The following CSMD1 variants were observed in gnomAD, a reference collection of about 807,000 sequenced individuals.
CSMD1 encodes CUB and sushi domain-containing protein 1.
A neutral mutation model predicts 417.5 loss-of-function variants in CSMD1; 213 were observed. That is an observed-to-expected ratio of 0.51 (90% CI 0.46 to 0.57). The LOEUF (loss-of-function observed/expected upper bound fraction) is 0.57. Among genes scored for constraint, CSMD1 ranks in the 20% least tolerant of loss-of-function variants. CSMD1 has a pLI of 0.00. For missense variants in CSMD1, 6,923 were observed against 4,529.7 expected (o/e 1.53, Z -15.17); for synonymous variants, 2,862 against 1,736.8 (o/e 1.65, Z -16.11).
intron 47 of CSMD1, among the ~76,000 whole-genome samples, chr8:3,091,879 C>CTATT (rs1814973683): frequency 6.6e-6 from 1 of 152,026 alleles, no homozygotes. Flanking sequence ...GGTGCATATG[C>CTATT]TATTAATGGT....
At chr8:3,684,793 C>G (rs528628062) in intron 7 of CSMD1, among the ~76,000 whole-genome samples, 2 of 151,968 alleles carry the variant, frequency 1.3e-5, no homozygotes, top group African/African-American at 4.8e-5. Flanking sequence ...TTTTAGTCAC[C>G]CTCATTCTCC....
intron 1 of CSMD1, among the ~76,000 whole-genome samples, chr8:4,993,028 C>G (rs1392644527): frequency 6.6e-6 from 1 of 152,208 alleles, no homozygotes; most frequent in East Asian, 1.9e-4. Context: ...CGTCTCTCCC[C>G]CGCTCTCCAG....
intron 7 of CSMD1, among the ~76,000 whole-genome samples, chr8:3,636,390 C>A (rs896808321): frequency 6.6e-6 from 1 of 152,084 alleles, no homozygotes; most frequent in Admixed American, 6.6e-5. Context: ...GTTGGCTAGG[C>A]TGGTCTCAGA....
intron 5 of CSMD1, among the ~76,000 whole-genome samples, chr8:3,839,942 T>C (rs1460328359): frequency 2.0e-5 from 3 of 152,028 alleles, no homozygotes; most frequent in Non-Finnish European, 2.9e-5. Context: ...GATCTTCTGC[T>C]CTGGATATTT....
intron 69 of CSMD1, among the ~76,000 whole-genome samples, chr8:2,942,100 C>T (rs1289598660): frequency 6.6e-6 from 1 of 152,106 alleles, no homozygotes; most frequent in East Asian, 1.9e-4. Flanking sequence ...GAGCATTGCT[C>T]TCACTCATGA....
At chr8:3,612,082 G>C (rs572693254) in intron 8 of CSMD1, among the ~76,000 whole-genome samples, 3 of 151,946 alleles carry the variant, frequency 2.0e-5, no homozygotes, top group East Asian at 3.9e-4. Context: ...TTGTGCAACA[G>C]ATTGAATATA....
chr8:4,288,970 T>C (rs1470077057), intron 3 of CSMD1, among the ~76,000 whole-genome samples: 4 of 152,314 alleles, frequency 2.6e-5, no homozygotes, highest in African/African-American at 9.6e-5. Flanking sequence ...AAAATGGTGA[T>C]ACGTGCATAA....
At chr8:4,955,794 G>C (rs530978520) in intron 1 of CSMD1, among the ~76,000 whole-genome samples, 1 of 45,490 alleles carries the variant, frequency 2.2e-5, no homozygotes, top group Non-Finnish European at 5.3e-5. Flanking sequence ...TGGCGTAACA[G>C]TACCTTCAAA....
intron 1 of CSMD1, among the ~76,000 whole-genome samples, chr8:4,978,931 G>A (rs999958997): frequency 6.6e-6 from 1 of 152,088 alleles, no homozygotes; most frequent in Non-Finnish European, 1.5e-5. Flanking sequence ...GAGCTATTGG[G>A]AACAGTCAGC....
intron 29 of CSMD1, among the ~76,000 whole-genome samples, chr8:3,216,757 G>A (rs1277410065): frequency 2.6e-5 from 4 of 152,200 alleles, no homozygotes; most frequent in Admixed American, 1.3e-4. Context: ...GCATACCTTT[G>A]AGCTTTCCTG....
At chr8:4,534,298 C>G (rs1266228604) in intron 2 of CSMD1, among the ~76,000 whole-genome samples, 1 of 152,232 alleles carries the variant, frequency 6.6e-6, no homozygotes, top group African/African-American at 2.4e-5. Context: ...CAGCCCGACT[C>G]ATATGGCTTT....
intron 2 of CSMD1, among the ~76,000 whole-genome samples, chr8:4,458,306 T>C (rs1418135381): frequency 2.0e-5 from 3 of 152,176 alleles, no homozygotes; most frequent in African/African-American, 7.2e-5. Context: ...CCTCTTTTTT[T>C]TTGTGTGCGC....
chr8:4,332,110 C>T lies in CSMD1; in HGVS notation c.415+87843G>A, dbSNP rs141216335. The stretch of plus-strand genomic sequence containing the variant: ...TTTTTAATTTTGCCAAGAAACCACG[C>T]ATAATTCTACCCCAAAGTTGTGATG... On this transcript the variant is annotated intron_variant, in intron 3 of 69. Transcript: ENST00000635120. Among the ~76,000 whole-genome samples, 332 of 152,218 alleles carry T rather than the reference C, an allele frequency of 2.2e-3. 3 individuals carry two copies. The highest frequency in any genetic ancestry group is 7.5e-3 in the African/African-American group (312 of 41,552).
intron 7 of CSMD1, among the ~76,000 whole-genome samples, chr8:3,668,388 A>G (rs1755161608): frequency 6.6e-6 from 1 of 152,082 alleles, no homozygotes; most frequent in Non-Finnish European, 1.5e-5. Flanking sequence ...ATTCTGTTTT[A>G]AATATGTATT....
At chr8:3,062,571 C>G (rs1460865649) in intron 49 of CSMD1, among the ~76,000 whole-genome samples, 2 of 144,112 alleles carry the variant, frequency 1.4e-5, no homozygotes, top group Admixed American at 1.4e-4. Context: ...AAAAAAAAAG[C>G]CCAGCAGCTA....
intron 2 of CSMD1, among the ~76,000 whole-genome samples, chr8:4,451,826 G>A (rs1352671599): frequency 6.6e-6 from 1 of 151,950 alleles, no homozygotes; most frequent in East Asian, 1.9e-4. Context: ...TTACCACAGT[G>A]AGTTTTGTTT....
At chr8:4,563,382 C>T (rs1053789964) in intron 2 of CSMD1, among the ~76,000 whole-genome samples, 1 of 152,128 alleles carries the variant, frequency 6.6e-6, no homozygotes, top group East Asian at 1.9e-4. Context: ...GCCTGGGTAA[C>T]AGAGCGACAC....
intron 59 of CSMD1, 80 bp downstream of exon 59, chr8:2,965,695 T>C: frequency 7.5e-7 from 1 of 1,328,652 alleles, no homozygotes; most frequent in South Asian, 1.4e-5. Flanking sequence ...GCTACATAAA[T>C]GCTTGCAAAA....
At chr8:4,557,039 T>G (rs1000201894) in intron 2 of CSMD1, among the ~76,000 whole-genome samples, 3 of 152,242 alleles carry the variant, frequency 2.0e-5, no homozygotes, top group Admixed American at 2.0e-4. Context: ...GTAATTTTTA[T>G]AAAGGATTTT....
Sources: allele counts gnomAD v4.1 joint callset (sites outside exome capture counted in the v4.1 genomes callset), GRCh38; gene constraint gnomAD v4.1.1; transcripts MANE v1.5; gene names NCBI Gene and HGNC (gene_info 2026-07-23, HGNC 2026-07-21).